Variants in PLRG1 observed in about 807,000 individuals in gnomAD.
PLRG1 encodes the protein pleiotropic regulator 1.
PLRG1 carries 28 observed loss-of-function variants against 74.9 expected under a neutral mutation model. The ratio of observed to expected loss-of-function variants is 0.37; its 90% CI spans 0.28 to 0.51. The LOEUF (loss-of-function observed/expected upper bound fraction) is 0.51, where lower values mean the gene tolerates loss of function less well. Among genes scored for constraint, PLRG1 ranks in the 20% least tolerant of loss-of-function variants. The probability of loss-of-function intolerance (pLI) is 0.91; values close to 1 mark genes in which losing one functional copy is unlikely to be tolerated. For missense variants in PLRG1, 445 were observed against 631.9 expected, an observed-to-expected ratio of 0.70 and a Z score of 3.17; for synonymous variants, 197 against 212.4, an observed-to-expected ratio of 0.93 and a Z score of 0.63.
At position 154,541,315 on chromosome 4, in the gene PLRG1, A is replaced by G. The variant is rs1206340336; in HGVS notation, c.688-381T>C. Among the ~76,000 whole-genome samples, 12 of 152,302 alleles carry G rather than the reference A, an allele frequency of 7.9e-5. No individual in the cohort carries two copies. The East Asian group carries it at 2.3e-3, about 29-fold the overall frequency. On this transcript the variant is annotated intron_variant, in intron 8 of 14. Coordinates refer to ENST00000499023, the MANE Select transcript of PLRG1 (RefSeq NM_002669.4). ...AGAAATTTCATACAAAGTTTTTTAA[A>G]AAGATTAAGTATCCATTTTTGCTTA...
At position 154,540,712 on chromosome 4, in the gene PLRG1, A is replaced by T; in HGVS notation, c.838-17T>A. 6.2e-7 allele frequency: 1 copy of T among 1,610,950 alleles called. No homozygotes were observed. The highest frequency in any genetic ancestry group is 8.5e-7 in the Non-Finnish European group (1 of 1,177,270). ...CCGTATAACCTAAAGACAAAGCAGG[A>T]AAGTTAAAACTTCTAGAATTAGAAA... On this transcript the variant is annotated splice_polypyrimidine_tract_variant and intron_variant, in intron 9 of 14. Coordinates refer to ENST00000499023, the MANE Select transcript of PLRG1 (RefSeq NM_002669.4).
rs1560809762 is a variant in PLRG1 at position 154,547,794 on chromosome 4, G to A, written c.176C>T (p.Pro59Leu). 6.2e-7 allele frequency: 1 copy of A among 1,612,114 alleles called. No individual in the cohort carries two copies. The highest frequency in any genetic ancestry group is 8.5e-7 in the Non-Finnish European group (1 of 1,178,338). ...RNEYGPVLHM[P>L]TSKENLKEKG... ...CTCTTTAAGATTTTCTTTTGAAGTA[G>A]GCATATGCAACACAGGACCATACTC... Residue 59 changes from proline (P) to leucine (L), a missense_variant, in exon 3 of 15, where the codon CCT becomes CTT. Physicochemically the swap from Pro to Leu is moderately conservative, Grantham distance 98 (BLOSUM62 -3). Around this residue, in one of 3 missense-constraint regions of PLRG1, gnomAD observed 206 missense variants for 210.8 expected, o/e 0.98. Coordinates refer to ENST00000499023, the MANE Select transcript of PLRG1 (RefSeq NM_002669.4).
At chr4:154,545,193 T>C (rs1729628467) in intron 6 of PLRG1, among the ~76,000 whole-genome samples, 1 of 152,190 alleles carries the variant, frequency 6.6e-6, no homozygotes, top group Admixed American at 6.5e-5. Flanking sequence ...AGACGTGCTC[T>C]GAATGGAATA....
intron 3 of PLRG1, chr4:154,547,439 T>A: frequency 2.0e-6 from 1 of 511,030 alleles, no homozygotes; most frequent in Non-Finnish European, 3.4e-6. Flanking sequence ...GTTAAGAATA[T>A]TCTCCAATTT....
At chr4:154,548,794 T>A (rs752307930) in intron 2 of PLRG1, 35 bp downstream of exon 2, 1 of 1,043,354 alleles carries the variant, frequency 9.6e-7, no homozygotes, top group South Asian at 1.3e-5. Flanking sequence ...GAATGTTAAG[T>A]ATTTTAGCAA....
Position 154,540,864 on chromosome 4 carries a change from A to G in PLRG1, c.758T>C (p.Ile253Thr). The change falls in exon 9 of 15, where the codon ATA (isoleucine) becomes ACA (threonine). Residue 253 changes from isoleucine to threonine, a missense_variant. Physicochemically the swap from Ile to Thr is moderately conservative, Grantham distance 89. Coordinates refer to ENST00000499023, the MANE Select transcript of PLRG1 (RefSeq NM_002669.4). ...TGHISTVRGV[I>T]VSTRSPYLFS... ...CAGATATGGGCTCCTTGTGCTTACT[A>G]TCACGCCCCGCACAGTACTAATATG... 20 of 1,613,194 alleles carry G rather than the reference A, an allele frequency of 1.2e-5. No individual in the cohort carries two copies. The highest frequency in any genetic ancestry group is 1.7e-5 in the Non-Finnish European group (20 of 1,179,244).
rs554176499 is a variant in PLRG1 at position 154,542,702 on chromosome 4, T to C, written c.595-423A>G. On this transcript the variant is annotated intron_variant, in intron 7 of 14. Coordinates refer to ENST00000499023, the MANE Select transcript of PLRG1 (RefSeq NM_002669.4). Reference sequence around the variant, plus strand: ...CACACAATGGAATACTATTCAGCCATAAAAAAGAATGAAATTCTGTTATTT... The same window carrying C: ...CACACAATGGAATACTATTCAGCCACAAAAAAGAATGAAATTCTGTTATTT... 2.4e-4 allele frequency among the ~76,000 whole-genome samples: 36 copies of C among 152,248 alleles called. 1 individual carries two copies. In the South Asian group the frequency reaches 6.8e-3, roughly 29 times the overall value.
At position 154,540,925 on chromosome 4, in the gene PLRG1, A is replaced by C; in HGVS notation, c.697T>G (p.Leu233Val). The C allele has an allele frequency of 6.2e-7, 1 of 1,601,740 alleles. No individual in the cohort carries two copies. The highest frequency in any genetic ancestry group is 8.5e-7 in the Non-Finnish European group (1 of 1,175,364). Residue 233 changes from leucine to valine, a missense_variant, in exon 9 of 15, where the codon TTG (leucine) becomes GTG (valine). Leu to Val is a conservative substitution (Grantham distance 32). Transcript: ENST00000499023. ...GACAGTTTTAATTTGCCACTAGCCA[A>C]GTCCCAGATCTGCAATCAAAGAATA... The part of the protein sequence containing the change: ...SADRTIKIWD[L>V]ASGKLKLSLT...
At chr4:154,540,185 T>C in intron 10 of PLRG1, 132 bp from the exon 11 acceptor site, 1 of 613,902 alleles carries the variant, frequency 1.6e-6, no homozygotes, top group African/African-American at 1.9e-5. Context: ...AATGCTTAAG[T>C]GAAAGATAAT....
chr4:154,550,092 G>C (rs925778836), intron 1 of PLRG1, among the ~76,000 whole-genome samples: 1 of 152,176 alleles, frequency 6.6e-6, no homozygotes, highest in Non-Finnish European at 1.5e-5. Context: ...CAGGCTTCGC[G>C]CCCAGGCTGA....
rs1214327620 is a variant in PLRG1, at chr4:154,548,905, C to G, written c.40G>C (p.Val14Leu). Residue 14 changes from valine to leucine, a missense_variant, in exon 2 of 15, where the codon GTG (valine) becomes CTG (leucine). Val to Leu is a conservative substitution (Grantham distance 32). Coordinates refer to ENST00000499023, the MANE Select transcript of PLRG1 (RefSeq NM_002669.4). ...EVQKHSVHTLVFRSLKRTHDM... is the reference protein window; with the variant it reads ...EVQKHSVHTLLFRSLKRTHDM... ...TGGGTCCTCTTCAACGACCTGAACACAAGGGTGTGTACAGAATGTTTCTGT... is the reference window on the plus strand; with the variant it reads ...TGGGTCCTCTTCAACGACCTGAACAGAAGGGTGTGTACAGAATGTTTCTGT... 1 of 1,607,342 alleles carries G rather than the reference C, an allele frequency of 6.2e-7. No homozygotes were observed. The highest frequency in any genetic ancestry group is 1.7e-5 in the Admixed American group (1 of 59,970).
At chr4:154,549,647 A>T (rs1280853508) in intron 1 of PLRG1, 1 of 456,040 alleles carries the variant, frequency 2.2e-6, no homozygotes, top group East Asian at 6.9e-5. Context: ...TAAACAAGAA[A>T]GGTATGAACA....
rs1459499738 is a variant in PLRG1, at chr4:154,536,515, G to A, written c.*170C>T. ...TAGAAATAAAAACACAGGGGTAGGG[G>A]ACAGGGGACAGTTTATTGTAAAATA... is the stretch of plus-strand genomic sequence containing the variant. On this transcript the variant is annotated 3_prime_UTR_variant, in exon 15 of 15. Coordinates refer to ENST00000499023, the MANE Select transcript of PLRG1 (RefSeq NM_002669.4). 4 of 606,200 alleles carry A rather than the reference G, an allele frequency of 6.6e-6. No individual in the cohort carries two copies. Among genetic ancestry groups the A allele is most frequent in the Non-Finnish European group, 1.2e-5 (4 of 343,012 alleles). The allele number at this position is 606,200 out of a possible 1,614,324, so 37.6% of individuals were successfully genotyped here. A position where few individuals can be genotyped will look rare whatever the true frequency, so the allele number is the denominator to read the frequency against.
intron 2 of PLRG1, among the ~76,000 whole-genome samples, 187 bp from the exon 3 acceptor site, chr4:154,548,040 A>G (rs1729691533): frequency 6.6e-6 from 1 of 152,202 alleles, no homozygotes; most frequent in African/African-American, 2.4e-5. Flanking sequence ...ACCACACAGC[A>G]TTCATTAAAC....
Position 154,547,848 on chromosome 4 carries a change from T to A in PLRG1, c.122A>T (p.Lys41Ile). Residue 41 changes from lysine (K) to isoleucine (I), a missense_variant, in exon 3 of 15, where the codon AAA becomes ATA. Transcript: ENST00000499023. The part of the protein sequence containing the change: ...KPVPLDEESH[K>I]RKMAIKLRNE... The stretch of plus-strand genomic sequence containing the variant: ...ACGAAGCTTGATTGCCATTTTTCGT[T>A]TGTGACTATTTAGAAATTATAAACA... 1 of 1,603,202 alleles carries A rather than the reference T, an allele frequency of 6.2e-7. No individual in the cohort carries two copies. Among genetic ancestry groups the A allele is most frequent in the Non-Finnish European group, 8.5e-7 (1 of 1,173,528 alleles).
rs765448010 is a variant in PLRG1 at position 154,546,183 on chromosome 4, T to C, written c.344A>G (p.Gln115Arg). 1.2e-6 allele frequency: 2 copies of C among 1,608,740 alleles called. No homozygotes were observed. The highest frequency in any genetic ancestry group is 1.7e-6 in the Non-Finnish European group (2 of 1,175,128). The change falls in exon 5 of 15, where the codon CAG becomes CGG. Residue 115 changes from glutamine to arginine, a missense_variant. Around this residue, in one of 3 missense-constraint regions of PLRG1, gnomAD observed 206 missense variants for 210.8 expected, o/e 0.98. Coordinates refer to ENST00000499023, the MANE Select transcript of PLRG1 (RefSeq NM_002669.4). ...TGCAGCTGATTCACTTGGCATTCTC[T>C]GGATCTTAGTATCTGCTGTCAAAGC... ...GVALTADTKI[Q>R]RMPSESAAQS... is the part of the protein sequence containing the mutation.
At position 154,542,170 on chromosome 4, in the gene PLRG1, T is replaced by C. The variant is rs1189174306; in HGVS notation, c.687+17A>G. ...CAAACACAAAGTCATGTTTATTTTT[T>C]CTTCCTTCATTATTACCTTTATAGT... On this transcript the variant is annotated intron_variant, in intron 8 of 14. Coordinates refer to ENST00000499023, the MANE Select transcript of PLRG1 (RefSeq NM_002669.4). 12 of 1,430,550 alleles carry C rather than the reference T, an allele frequency of 8.4e-6. No homozygotes were observed. The highest frequency in any genetic ancestry group is 1.1e-5 in the Non-Finnish European group (11 of 1,012,700). 88.6% of individuals were successfully genotyped at this position (1,430,550 alleles called of 1,614,324 possible).
chr4:154,548,873 CAT>C lies in PLRG1; in HGVS notation c.70_71del (p.Met24ValfsTer4). On this transcript the variant is annotated frameshift_variant, in exon 2 of 15. Coordinates refer to ENST00000499023, the MANE Select transcript of PLRG1 (RefSeq NM_002669.4). LOFTEE classifies it high-confidence loss of function. ...VFRSLKRTHDMFVADNGKPVP... is the reference protein window; with the variant it reads ...VFRSLKRTHDXFVADNGKPVP... ...CAGGTTTTCCATTATCAGCTACAAA[CAT>C]GTCATGGGTCCTCTTCAACGACCTG... 6.2e-7 allele frequency: 1 copy of C among 1,610,740 alleles called. No individual in the cohort carries two copies. The highest frequency in any genetic ancestry group is 8.5e-7 in the Non-Finnish European group (1 of 1,177,606).
chr4:154,537,411 C>G lies in PLRG1; in HGVS notation c.1360G>C (p.Val454Leu), dbSNP rs764949296. 2.5e-6 allele frequency: 4 copies of G among 1,613,238 alleles called. No homozygotes were observed. In the East Asian group the frequency reaches 6.7e-5, roughly 27 times the overall value. Residue 454 changes from valine to leucine, a missense_variant, in exon 14 of 15, where the codon GTG (valine) becomes CTG (leucine). Coordinates refer to ENST00000499023, the MANE Select transcript of PLRG1 (RefSeq NM_002669.4). ...GYNFQRVHAAVQPGSLDSESG... is the reference protein window; with the variant it reads ...GYNFQRVHAALQPGSLDSESG... Reference sequence around the variant, plus strand: ...TCACTGTCCAAAGACCCAGGTTGCACAGCTGCGTGAACTCTCTGAAAATTG... The same window carrying G: ...TCACTGTCCAAAGACCCAGGTTGCAGAGCTGCGTGAACTCTCTGAAAATTG...
Sources: gnomAD v4.1 joint callset for allele counts (sites outside exome capture counted in the v4.1 genomes callset) on GRCh38, gnomAD v4.1.1 for gene constraint, gnomAD v4.1.1 regional missense constraint, MANE v1.5 for transcripts, NCBI Gene and HGNC (gene_info 2026-07-23, HGNC 2026-07-21) for gene names.